TECRL: variants seen among roughly 807,000 people sequenced by gnomAD.
TECRL encodes trans-2,3-enoyl-CoA reductase-like.
A neutral mutation model predicts 52.8 loss-of-function variants in TECRL; 63 were observed. That is an observed-to-expected ratio of 1.19 (90% CI 0.97 to 1.47). The LOEUF is 1.47. Among genes scored for constraint, TECRL ranks in the 40% most tolerant of loss-of-function variants. TECRL has a pLI of 0.00. For missense variants in TECRL, 482 were observed against 429.6 expected (o/e 1.12, Z -1.08); for synonymous variants, 164 against 141.9 (o/e 1.16, Z -1.10).
At chr4:64,292,501 A>C (rs2109954605) in intron 8 of TECRL, among the ~76,000 whole-genome samples, 1 of 152,150 alleles carries the variant, frequency 6.6e-6, no homozygotes, top group South Asian at 2.1e-4. Context: ...TTTAGAAAGA[A>C]ATAGTACTTG....
intron 1 of TECRL, among the ~76,000 whole-genome samples, chr4:64,384,104 C>T (rs1215937256): frequency 1.3e-5 from 2 of 152,098 alleles, no homozygotes; most frequent in African/African-American, 4.8e-5. Context: ...AATGCTTAGA[C>T]ATCAGTAGTG....
In TECRL at chr4:64,394,908, T is replaced by A. The variant is rs916545756; in HGVS notation, c.234+14210A>T. On this transcript the variant is annotated intron_variant, in intron 1 of 11. Coordinates refer to ENST00000381210, the MANE Select transcript of TECRL (RefSeq NM_001010874.5). ...TTACAAGTCAAAAAATTAACAAGCA[T>A]TTTTTTTTTTTTTTTTTTTTTTGAG... 7.6e-5 allele frequency among the ~76,000 whole-genome samples: 5 copies of A among 65,896 alleles called. 1 individual carries two copies. In the Admixed American group the frequency reaches 8.7e-4, roughly 11 times the overall value. 43.2% of individuals were successfully genotyped at this position (65,896 alleles called of 152,430 possible).
At chr4:64,356,825 C>T (rs1480459173) in intron 2 of TECRL, among the ~76,000 whole-genome samples, 1 of 152,154 alleles carries the variant, frequency 6.6e-6, no homozygotes, top group Non-Finnish European at 1.5e-5. Flanking sequence ...CTCATCCCAC[C>T]TGATGAGAAT....
chr4:64,281,614 T>C, intron 9 of TECRL, 55 bp from the exon 10 acceptor site: 1 of 893,292 alleles, frequency 1.1e-6, no homozygotes, highest in Non-Finnish European at 1.8e-6. Context: ...AATCTGATCA[T>C]ATGCTTATTA....
chr4:64,277,148 A>C, downstream of TECRL: 1 of 831,128 alleles, frequency 1.2e-6, no homozygotes, highest in Middle Eastern at 3.3e-4. Context: ...GGAATAACTG[A>C]TACAAAAAAA....
At chr4:64,356,997 A>G (rs1720822596) in intron 2 of TECRL, among the ~76,000 whole-genome samples, 1 of 152,172 alleles carries the variant, frequency 6.6e-6, no homozygotes, top group South Asian at 2.1e-4. Flanking sequence ...TATTTTAATT[A>G]TATGTTTATT....
In TECRL at chr4:64,280,535, A is replaced by G. The variant is rs1180411675; in HGVS notation, c.965-336T>C. Among the ~76,000 whole-genome samples the G allele has an allele frequency of 3.9e-5, 6 of 152,288 alleles. No individual in the cohort carries two copies. In the South Asian group the frequency reaches 8.3e-4, roughly 21 times the overall value. ...TAATATTCCTCTACATGCACATAAT[A>G]TAATAAACCACATTAATTGTGATTC... On this transcript the variant is annotated intron_variant, in intron 11 of 11. Transcript: ENST00000381210.
intron 2 of TECRL, among the ~76,000 whole-genome samples, chr4:64,352,395 G>C (rs187750052): frequency 6.6e-6 from 1 of 152,178 alleles, no homozygotes; most frequent in East Asian, 1.9e-4. Flanking sequence ...TAGATAAGTG[G>C]ATAGATAGAT....
intron 9 of TECRL, among the ~76,000 whole-genome samples, chr4:64,283,219 TC>T: frequency 6.6e-6 from 1 of 152,212 alleles, no homozygotes; most frequent in Middle Eastern, 3.4e-3. Flanking sequence ...GCTCTCAATT[TC>T]CTACCTAAAT....
intron 1 of TECRL, among the ~76,000 whole-genome samples, chr4:64,387,785 A>G (rs755781273): frequency 3.3e-5 from 5 of 151,792 alleles, no homozygotes; most frequent in Non-Finnish European, 5.9e-5. Context: ...AAACTATGTG[A>G]TTTGTTTTAC....
At chr4:64,276,394 T>C (rs1722575815), downstream of TECRL, 1 of 151,956 alleles carries the variant, frequency 6.6e-6, no homozygotes, top group Non-Finnish European at 1.5e-5. Flanking sequence ...AGCATATTAC[T>C]TCAATAAGTA....
intron 2 of TECRL, among the ~76,000 whole-genome samples, chr4:64,368,211 A>G (rs1156702750): frequency 6.6e-6 from 1 of 151,892 alleles, no homozygotes; most frequent in Non-Finnish European, 1.5e-5. Context: ...TGAATTCATG[A>G]ATAATTTGGC....
intron 1 of TECRL, among the ~76,000 whole-genome samples, chr4:64,398,116 A>T (rs1724092669): frequency 6.6e-6 from 1 of 152,144 alleles, no homozygotes; most frequent in African/African-American, 2.4e-5. Flanking sequence ...AATGGATGTG[A>T]GAATTTTCAT....
chr4:64,344,326 G>T (rs949066999), intron 2 of TECRL, among the ~76,000 whole-genome samples: 1 of 151,722 alleles, frequency 6.6e-6, no homozygotes. Flanking sequence ...TTGATATATG[G>T]TAGATAGATA....
intron 9 of TECRL, among the ~76,000 whole-genome samples, chr4:64,283,700 G>T (rs1190955889): frequency 6.6e-6 from 1 of 151,976 alleles, no homozygotes; most frequent in Non-Finnish European, 1.5e-5. Context: ...GGTCTTAACT[G>T]CAAAAGTAGT....
chr4:64,324,493 A>C (rs371444719), intron 3 of TECRL, among the ~76,000 whole-genome samples: 12 of 152,038 alleles, frequency 7.9e-5, no homozygotes, highest in African/African-American at 2.2e-4. Flanking sequence ...TTTGAAATAA[A>C]TAAAAAAAGT....
chr4:64,404,220 C>CAAAAAA (rs74418503), intron 1 of TECRL, among the ~76,000 whole-genome samples: 2 of 115,908 alleles, frequency 1.7e-5, no homozygotes, highest in African/African-American at 5.8e-5. Flanking sequence ...AGAGTTTTAC[C>CAAAAAA]AAAAAAAAAA....
chr4:64,341,745 TG>T (rs1412759880), intron 2 of TECRL, among the ~76,000 whole-genome samples: 2 of 152,126 alleles, frequency 1.3e-5, no homozygotes, highest in African/African-American at 4.8e-5. Context: ...TGGGCCCCTG[TG>T]GTTGCTGGCA....
intron 1 of TECRL, among the ~76,000 whole-genome samples, chr4:64,406,958 T>A (rs11725349): frequency 0.041 from 6,236 of 151,470 alleles, 129 homozygotes; most frequent in Non-Finnish European, 0.048. Context: ...ATAATAATAA[T>A]AAATAAATCA....
Sources: allele counts gnomAD v4.1 joint callset (sites outside exome capture counted in the v4.1 genomes callset), GRCh38; gene constraint gnomAD v4.1.1; transcripts MANE v1.5; gene names NCBI Gene and HGNC (gene_info 2026-07-23, HGNC 2026-07-21).